The following AGAP1 variants were observed in gnomAD, a reference collection of about 807,000 sequenced individuals.
AGAP1 encodes the protein ArfGAP with GTPase domain, ankyrin repeat and PH domain 1, also known as arf-GAP with GTPase, ANK repeat and PH domain-containing protein 1.
AGAP1 carries 29 observed loss-of-function variants against 105.3 expected under a neutral mutation model. The ratio of observed to expected loss-of-function variants is 0.28; its 90% confidence interval spans 0.21 to 0.38. The LOEUF (loss-of-function observed/expected upper bound fraction) is 0.38. AGAP1 is among the 10% of genes least tolerant of loss of function. AGAP1 has a pLI of 1.00. For missense variants in AGAP1, 998 were observed against 1,165.1 expected, an observed-to-expected ratio of 0.86 and a Z score of 2.09; for synonymous variants, 509 against 485.9, an observed-to-expected ratio of 1.05 and a Z score of -0.63.
intron 12 of AGAP1, among the ~76,000 whole-genome samples, chr2:235,942,237 C>T (rs763872969): frequency 5.9e-5 from 9 of 152,272 alleles, no homozygotes; most frequent in African/African-American, 7.2e-5. Flanking sequence ...AGACAACCCG[C>T]GATTCCCCTG....
intron 1 of AGAP1, among the ~76,000 whole-genome samples, chr2:235,607,662 A>G (rs542071110): frequency 1.6e-4 from 24 of 152,272 alleles, no homozygotes; most frequent in African/African-American, 5.8e-4. Context: ...ACAAGAGGAC[A>G]GCTTTGAGCC....
In AGAP1 at chr2:235,789,266, T is replaced by G. The variant is rs1392766031; in HGVS notation, c.674-8493T>G. On this transcript the variant is annotated intron_variant, in intron 6 of 17. Coordinates refer to ENST00000304032, the MANE Select transcript of AGAP1 (RefSeq NM_001037131.3). This position sits in a 1 kb window ranked among gnomAD's most constrained non-coding sequence, Gnocchi z 4.2. ...AAGGGAAATCCCGCTGCCCTAGACA[T>G]GGTAGAAATTTCCCCTCATTCTAAA... Among the ~76,000 whole-genome samples, 14 of 152,178 alleles carry G rather than the reference T, an allele frequency of 9.2e-5. No individual in the cohort carries two copies. Among genetic ancestry groups the G allele is most frequent in the Admixed American group, 9.2e-4 (14 of 15,286 alleles).
chr2:235,562,719 G>C (rs1026327945), intron 1 of AGAP1, among the ~76,000 whole-genome samples: 1 of 152,178 alleles, frequency 6.6e-6, no homozygotes, highest in African/African-American at 2.4e-5. Flanking sequence ...CTGCAGCTGG[G>C]TGACCCTGGG....
At chr2:235,878,941 G>A (rs547625679) in intron 9 of AGAP1, among the ~76,000 whole-genome samples, 3 of 152,344 alleles carry the variant, frequency 2.0e-5, no homozygotes, top group Admixed American at 6.5e-5. Context: ...GCTTTGGAAG[G>A]GGGAGCTGAA....
At chr2:235,537,652 A>T (rs1454389711) in intron 1 of AGAP1, among the ~76,000 whole-genome samples, 2 of 152,224 alleles carry the variant, frequency 1.3e-5, no homozygotes, top group Non-Finnish European at 2.9e-5. Context: ...CAATATTAAT[A>T]TTGATCCTGT....
chr2:236,086,944 G>C (rs1004295807), intron 16 of AGAP1, among the ~76,000 whole-genome samples: 3 of 148,600 alleles, frequency 2.0e-5, no homozygotes, highest in African/African-American at 7.5e-5. Context: ...GGAAGCAGCT[G>C]GTGGGTTTTG....
At position 235,951,093 on chromosome 2, in the gene AGAP1, C is replaced by A. The variant is rs1349896855; in HGVS notation, c.1484-17369C>A. Among the ~76,000 whole-genome samples the A allele has an allele frequency of 6.6e-6, 1 of 151,972 alleles. No individual in the cohort carries two copies. Among genetic ancestry groups the A allele is most frequent in the African/African-American group, 2.4e-5 (1 of 41,394 alleles). On this transcript the variant is annotated intron_variant, in intron 12 of 17. Coordinates refer to ENST00000304032, the MANE Select transcript of AGAP1 (RefSeq NM_001037131.3). The surrounding 1 kb of genome is among the most constrained non-coding windows in gnomAD (Gnocchi z 4.2). ...AAATTTAATTCTAGTTTTTAAATAT[C>A]ATTAATTCTGGAGGTTGCACTCTGA...
At chr2:235,999,617 A>C (rs1373069021) in intron 13 of AGAP1, among the ~76,000 whole-genome samples, 1 of 145,638 alleles carries the variant, frequency 6.9e-6, no homozygotes, top group South Asian at 2.3e-4. Flanking sequence ...GGTGGTGGTG[A>C]TGATGGTGGT....
intron 3 of AGAP1, among the ~76,000 whole-genome samples, chr2:235,726,362 G>A (rs887798042): frequency 1.3e-5 from 2 of 152,170 alleles, no homozygotes; most frequent in Non-Finnish European, 2.9e-5. Flanking sequence ...GAAACCTCAC[G>A]GCATCAGATA....
At chr2:235,513,393 C>T (rs1019203753) in intron 1 of AGAP1, among the ~76,000 whole-genome samples, 12 of 151,880 alleles carry the variant, frequency 7.9e-5, no homozygotes, top group African/African-American at 2.4e-4. Context: ...TGGTGGCAGG[C>T]GCCTATAATC....
In AGAP1 at chr2:235,744,688, C is replaced by CT; in HGVS notation, c.397-9dup. 2 of 1,613,948 alleles carry CT rather than the reference C, an allele frequency of 1.2e-6. No individual in the cohort carries two copies. Among genetic ancestry groups the CT allele is most frequent in the Non-Finnish European group, 1.7e-6 (2 of 1,180,012 alleles). On this transcript the variant is annotated splice_polypyrimidine_tract_variant and intron_variant, in intron 4 of 17. Transcript: ENST00000304032. This position sits in a 1 kb window ranked among gnomAD's most constrained non-coding sequence, Gnocchi z 5.2. Reference sequence around the variant, plus strand: ...CAGCTCCTGCTCTCCTCCCCTTCTTCTCTCCCTAGTTTGCCATGTGGGTGG... The same window carrying CT: ...CAGCTCCTGCTCTCCTCCCCTTCTTCTTCTCCCTAGTTTGCCATGTGGGTGG...
rs2054118116 is a variant in AGAP1 at position 235,960,080 on chromosome 2, G to A, written c.1484-8382G>A. Among the ~76,000 whole-genome samples, 1 of 152,200 alleles carries A rather than the reference G, an allele frequency of 6.6e-6. No homozygotes were observed. Among genetic ancestry groups the A allele is most frequent in the South Asian group, 2.1e-4 (1 of 4,830 alleles). Reference sequence around the variant, plus strand: ...CCCTGCCTGCAGCATGGCCTGGAAAGTCACTGCCTCAACTCCATGCCTCCA... The same window carrying A: ...CCCTGCCTGCAGCATGGCCTGGAAAATCACTGCCTCAACTCCATGCCTCCA... On this transcript the variant is annotated intron_variant, in intron 12 of 17. Coordinates refer to ENST00000304032, the MANE Select transcript of AGAP1 (RefSeq NM_001037131.3). The surrounding 1 kb of genome is among the most constrained non-coding windows in gnomAD (Gnocchi z 4.9).
Position 235,965,598 on chromosome 2 carries a change from T to G in AGAP1, c.1484-2864T>G, listed in dbSNP as rs1038935559. ...TACTTAACCTTCCCCTGTGCCTTGG[T>G]TTTCTAATCTGTAAAGTGGAGGTGG... On this transcript the variant is annotated intron_variant, in intron 12 of 17. Transcript: ENST00000304032. This position sits in a 1 kb window ranked among gnomAD's most constrained non-coding sequence, Gnocchi z 5.8. 2.6e-5 allele frequency among the ~76,000 whole-genome samples: 4 copies of G among 152,018 alleles called. No individual in the cohort carries two copies. Among genetic ancestry groups the G allele is most frequent in the South Asian group, 2.1e-4 (1 of 4,818 alleles).
intron 1 of AGAP1, among the ~76,000 whole-genome samples, chr2:235,521,738 ATATATGTGTGTGTGTGTGTGTGTG>A (rs1324346976): frequency 3.4e-5 from 4 of 116,682 alleles, no homozygotes; most frequent in Admixed American, 1.6e-4. Context: ...TGTTTGTTAT[ATATATGTGTGTGTGTGTGTGTGTG>A]TGTGTGTGTG....
rs4663207 is a variant in AGAP1 at position 235,640,160 on chromosome 2, C to G, written c.164-69019C>G. Among the ~76,000 whole-genome samples the G allele has an allele frequency of 8.5e-5, 13 of 152,158 alleles. No homozygotes were observed. The South Asian group carries it at 1.7e-3, about 19-fold the overall frequency. ...ACAGTTGCTCTTAGTCAGAAACTCA[C>G]TTTGCTGTTTTCCACTAGATTCCCA... is the stretch of plus-strand genomic sequence containing the variant. On this transcript the variant is annotated intron_variant, in intron 1 of 17. Transcript: ENST00000304032.
chr2:236,014,523 C>T lies in AGAP1; in HGVS notation c.1646-22038C>T, dbSNP rs1165505433. On this transcript the variant is annotated intron_variant, in intron 13 of 17. Coordinates refer to ENST00000304032, the MANE Select transcript of AGAP1 (RefSeq NM_001037131.3). This position sits in a 1 kb window ranked among gnomAD's most constrained non-coding sequence, Gnocchi z 6.3. ...TTGAGTAGCCACGTGTGAAACCCAG[C>T]AGGGCGAAGCAGACTTCTGCGCGTG... 1.3e-5 allele frequency among the ~76,000 whole-genome samples: 2 copies of T among 152,144 alleles called. No homozygotes were observed. The highest frequency in any genetic ancestry group is 2.9e-5 in the Non-Finnish European group (2 of 68,034).
rs183892742 is a variant in AGAP1, at chr2:235,736,633, C to G, written c.311-4330C>G. Reference sequence around the variant, plus strand: ...CCTTTGGGAGGCTGAGGCAGGTAGACCGCTTGAGCCCAGGAGTTCGAGACC... The same window carrying G: ...CCTTTGGGAGGCTGAGGCAGGTAGAGCGCTTGAGCCCAGGAGTTCGAGACC... On this transcript the variant is annotated intron_variant, in intron 3 of 17. Coordinates refer to ENST00000304032, the MANE Select transcript of AGAP1 (RefSeq NM_001037131.3). The surrounding 1 kb of genome is among the most constrained non-coding windows in gnomAD (Gnocchi z 5.5). Among the ~76,000 whole-genome samples, 919 of 152,186 alleles carry G rather than the reference C, an allele frequency of 6.0e-3. 10 individuals are homozygous for G. Among genetic ancestry groups the G allele is most frequent in the South Asian group, 0.031 (148 of 4,818 alleles).
In AGAP1 at chr2:235,662,405, G is replaced by A. The variant is rs575467712; in HGVS notation, c.164-46774G>A. Among the ~76,000 whole-genome samples, 13 of 152,288 alleles carry A rather than the reference G, an allele frequency of 8.5e-5. No individual in the cohort carries two copies. Among genetic ancestry groups the A allele is most frequent in the African/African-American group, 2.6e-4 (11 of 41,554 alleles). ...AGCCACACTCCTAGGGACAGAGTGC[G>A]TCCATGGAGGGGAGGACTCACAGCA... On this transcript the variant is annotated intron_variant, in intron 1 of 17. Coordinates refer to ENST00000304032, the MANE Select transcript of AGAP1 (RefSeq NM_001037131.3). This position sits in a 1 kb window ranked among gnomAD's most constrained non-coding sequence, Gnocchi z 4.2.
Position 235,967,746 on chromosome 2 carries a change from C to T in AGAP1, c.1484-716C>T, listed in dbSNP as rs575524888. Reference sequence around the variant, plus strand: ...TATGCGCGTTCTGGTCATGTAGTACCGCTTTGGCCTTCTCTTTGATAAAGA... The same window carrying T: ...TATGCGCGTTCTGGTCATGTAGTACTGCTTTGGCCTTCTCTTTGATAAAGA... On this transcript the variant is annotated intron_variant, in intron 12 of 17. Transcript: ENST00000304032. This position sits in a 1 kb window ranked among gnomAD's most constrained non-coding sequence, Gnocchi z 4.7. Among the ~76,000 whole-genome samples, 189 of 152,178 alleles carry T rather than the reference C, an allele frequency of 1.2e-3. 1 individual carries two copies. The highest frequency in any genetic ancestry group is 2.4e-3 in the Non-Finnish European group (162 of 68,046).
Sources: gnomAD v4.1 joint callset for allele counts (sites outside exome capture counted in the v4.1 genomes callset) on GRCh38, gnomAD v4.1.1 for gene constraint, Gnocchi (gnomAD v3.1) non-coding constraint, MANE v1.5 for transcripts, NCBI Gene and HGNC (gene_info 2026-07-23, HGNC 2026-07-21) for gene names.